The following ANKRD18B variants were observed in gnomAD, a reference collection of about 807,000 sequenced individuals.
ANKRD18B encodes ankyrin repeat domain-containing protein 18B.
A neutral mutation model predicts 111.8 loss-of-function variants in ANKRD18B; 75 were observed. The ratio of observed to expected loss-of-function variants is 0.67; its 90% CI spans 0.56 to 0.81. The LOEUF is 0.81. Among genes scored for constraint, ANKRD18B ranks in the 40% least tolerant of loss-of-function variants. The pLI, the probability that ANKRD18B is intolerant of heterozygous loss-of-function variation, is 0.00. For synonymous variants in ANKRD18B, 356 were observed against 417.3 expected (o/e 0.85, Z 1.79); for missense variants, 1,038 against 1,225.5 (o/e 0.85, Z 2.28).
Position 33,548,320 on chromosome 9 carries a change from A to G in ANKRD18B, c.1532A>G (p.Lys511Arg). 1 of 1,549,608 alleles carries G rather than the reference A, an allele frequency of 6.5e-7. No homozygotes were observed. Among genetic ancestry groups the G allele is most frequent in the East Asian group, 2.4e-5 (1 of 40,906 alleles). ...GAGTACAATGAAATTTTGGAAAGAA[A>G]AGACCTAGAACTAGTTTTATGGAGA... ...INEYNEILERKDLELVLWRAD... is the reference protein window; with the variant it reads ...INEYNEILERRDLELVLWRAD... Residue 511 changes from lysine to arginine, a missense_variant, in exon 11 of 19, where the codon AAA becomes AGA. This residue lies in a region of ANKRD18B where 205 missense variants were observed against 201.3 expected (regional missense o/e 1.02). Coordinates refer to ENST00000684830, the MANE Select transcript of ANKRD18B (RefSeq NM_001393611.1).
chr9:33,562,647 G>A (rs1232634045), intron 14 of ANKRD18B, among the ~76,000 whole-genome samples: 1 of 152,180 alleles, frequency 6.6e-6, no homozygotes, highest in Non-Finnish European at 1.5e-5. Context: ...CTATAGAGAA[G>A]CATTGTGGTA....
intron 1 of ANKRD18B, among the ~76,000 whole-genome samples, chr9:33,525,469 G>T (rs1259993131): frequency 2.0e-5 from 3 of 152,134 alleles, no homozygotes; most frequent in East Asian, 1.9e-4. Context: ...TAAAATGCCT[G>T]CTGTGTGAAG....
rs955470390 is a variant in ANKRD18B at position 33,550,545 on chromosome 9, C to T, written c.2183C>T (p.Thr728Ile). 7.2e-5 allele frequency: 111 copies of T among 1,538,658 alleles called. No homozygotes were observed. Among genetic ancestry groups the T allele is most frequent in the Non-Finnish European group, 9.2e-5 (105 of 1,142,562 alleles). Residue 728 changes from threonine (T) to isoleucine (I), a missense_variant, in exon 12 of 19, where the codon ACT becomes ATT. Thr to Ile is a moderately conservative substitution (Grantham distance 89). Around this residue, in one of 4 missense-constraint regions of ANKRD18B, gnomAD observed 524 missense variants for 677.9 expected, o/e 0.77. Coordinates refer to ENST00000684830, the MANE Select transcript of ANKRD18B (RefSeq NM_001393611.1). ...CATATTAATTTGGATGAGACATGGA[C>T]TTCAAAGAAGAAATTATTTCAAGTA... ...HCHINLDETW[T>I]SKKKLFQVEI...
intron 9 of ANKRD18B, among the ~76,000 whole-genome samples, chr9:33,542,657 G>A (rs1216946110): frequency 6.6e-6 from 1 of 152,018 alleles, no homozygotes; most frequent in African/African-American, 2.4e-5. Context: ...TTACAGGTGT[G>A]AGCTACGTCC....
At chr9:33,536,393 A>T (rs1183693249) in intron 5 of ANKRD18B, among the ~76,000 whole-genome samples, 12 of 152,244 alleles carry the variant, frequency 7.9e-5, no homozygotes, top group Admixed American at 6.5e-4. Context: ...TTTATTTGAG[A>T]TTCCAAAATG....
At chr9:33,545,985 T>C (rs1828349779) in intron 10 of ANKRD18B, among the ~76,000 whole-genome samples, 1 of 152,162 alleles carries the variant, frequency 6.6e-6, no homozygotes. Context: ...TCAACCTAAG[T>C]CTCACTGTGA....
intron 17 of ANKRD18B, among the ~76,000 whole-genome samples, chr9:33,569,292 T>C (rs1828734134): frequency 7.3e-6 from 1 of 136,552 alleles, no homozygotes; most frequent in Admixed American, 8.1e-5. Flanking sequence ...TGAGATGGAG[T>C]CTCACTCTGT....
In ANKRD18B at chr9:33,548,473, G is replaced by A. The variant is rs147381640; in HGVS notation, c.1685G>A (p.Arg562His). The A allele has an allele frequency of 6.8e-4, 1,054 of 1,551,198 alleles. 3 individuals are homozygous for A. The African/African-American group carries it at 0.011, about 16-fold the overall frequency. Residue 562 changes from arginine (R) to histidine (H), a missense_variant, in exon 11 of 19, where the codon CGT becomes CAT. Arg to His is a conservative substitution (Grantham distance 29). Around this residue, in one of 4 missense-constraint regions of ANKRD18B, gnomAD observed 524 missense variants for 677.9 expected, o/e 0.77. Coordinates refer to ENST00000684830, the MANE Select transcript of ANKRD18B (RefSeq NM_001393611.1). ...TTCAATACCTTAAAAGGTAAGCTCC[G>A]TGAGACAAGAGATGCTCTCAGGGAA... The part of the protein sequence containing the change: ...VKFNTLKGKL[R>H]ETRDALREKT...
intron 13 of ANKRD18B, among the ~76,000 whole-genome samples, chr9:33,556,654 T>A (rs1828531699): frequency 6.6e-6 from 1 of 152,198 alleles, no homozygotes; most frequent in Non-Finnish European, 1.5e-5. Context: ...TCTGAAGATA[T>A]TTTTGCTGTA....
Position 33,566,417 on chromosome 9 carries a change from C to G in ANKRD18B, c.2659C>G (p.Leu887Val), listed in dbSNP as rs746728433. The G allele has an allele frequency of 4.0e-5, 64 of 1,608,958 alleles. No homozygotes were observed. The Admixed American group carries it at 4.5e-4, about 11-fold the overall frequency. Residue 887 changes from leucine (L) to valine (V), a missense_variant, in exon 15 of 19, where the codon CTT (leucine) becomes GTT (valine). Physicochemically the swap from Leu to Val is conservative, Grantham distance 32 (BLOSUM62 1). This residue lies in a region of ANKRD18B where 524 missense variants were observed against 677.9 expected (regional missense o/e 0.77). Transcript: ENST00000684830. ...ACATATGGAAAAAGATATGGTAGAA[C>G]TTGGTAAAGTACAAGAATATAAATC... ...KTHMEKDMVE[L>V]GKVQEYKSEL...
chr9:33,572,195 C>T (rs1828789795), intron 18 of ANKRD18B, 121 bp from the exon 19 acceptor site: 2 of 729,536 alleles, frequency 2.7e-6, no homozygotes, highest in Non-Finnish European at 2.3e-6. Context: ...ATTGTAATTG[C>T]ACGTACATAT....
chr9:33,566,746 A>G (rs1828691554), intron 15 of ANKRD18B, among the ~76,000 whole-genome samples: 2 of 152,152 alleles, frequency 1.3e-5, no homozygotes, highest in Admixed American at 1.3e-4. Context: ...TTTGATGATT[A>G]AGACCAGTTG....
At chr9:33,543,981 A>C (rs1294082218) in intron 10 of ANKRD18B, among the ~76,000 whole-genome samples, 4 of 152,240 alleles carry the variant, frequency 2.6e-5, no homozygotes, top group Non-Finnish European at 5.9e-5. Flanking sequence ...AGTAGAATCA[A>C]AATTTTCTTC....
chr9:33,548,488 C>T lies in ANKRD18B; in HGVS notation c.1700C>T (p.Ala567Val). Reference sequence around the variant, plus strand: ...GGTAAGCTCCGTGAGACAAGAGATGCTCTCAGGGAAAAGACATTGGCTTTA... The same window carrying T: ...GGTAAGCTCCGTGAGACAAGAGATGTTCTCAGGGAAAAGACATTGGCTTTA... ...LKGKLRETRD[A>V]LREKTLALES... Residue 567 changes from alanine (A) to valine (V), a missense_variant, in exon 11 of 19, where the codon GCT (alanine) becomes GTT (valine). Ala to Val is a moderately conservative substitution (Grantham distance 64, BLOSUM62 0). Transcript: ENST00000684830. 6.4e-7 allele frequency: 1 copy of T among 1,551,118 alleles called. No homozygotes were observed. Among genetic ancestry groups the T allele is most frequent in the South Asian group, 1.2e-5 (1 of 83,940 alleles).
At chr9:33,542,746 C>G (rs1828298333) in intron 9 of ANKRD18B, among the ~76,000 whole-genome samples, 1 of 152,100 alleles carries the variant, frequency 6.6e-6, no homozygotes, top group South Asian at 2.1e-4. Context: ...ATGTAAAAAA[C>G]AGGGTGTACA....
chr9:33,546,992 C>CT (rs1435907475), intron 10 of ANKRD18B, among the ~76,000 whole-genome samples: 3 of 152,084 alleles, frequency 2.0e-5, no homozygotes, highest in Non-Finnish European at 4.4e-5. Flanking sequence ...AGCACCTTCA[C>CT]TTTTTTGATA....
At position 33,548,169 on chromosome 9, in the gene ANKRD18B, C is replaced by G. The variant is rs1237004582; in HGVS notation, c.1381C>G (p.Gln461Glu). 6.5e-7 allele frequency: 1 copy of G among 1,543,856 alleles called. No individual in the cohort carries two copies. Residue 461 changes from glutamine (Q) to glutamate (E), a missense_variant, in exon 11 of 19, where the codon CAG (glutamine) becomes GAG (glutamate). Physicochemically the swap from Gln to Glu is conservative, Grantham distance 29 (BLOSUM62 2). Coordinates refer to ENST00000684830, the MANE Select transcript of ANKRD18B (RefSeq NM_001393611.1). ...AAAAAAAGTGGCCCAGTATTCGCAA[C>G]AGCTTAATGATCTGAAAGCTGAGAA... ...ITKKVAQYSQ[Q>E]LNDLKAENAR...
chr9:33,537,832 A>G (rs1174760468), intron 6 of ANKRD18B, among the ~76,000 whole-genome samples: 2 of 152,212 alleles, frequency 1.3e-5, no homozygotes, highest in Non-Finnish European at 2.9e-5. Context: ...ATTATTATAT[A>G]CTATGCTTTT....
Position 33,566,291 on chromosome 9 carries a change from C to G in ANKRD18B, c.2533C>G (p.Leu845Val), listed in dbSNP as rs764490442. ...CAATTTGGCCAAAGACAATGAAGTTCTTCATCAGGAGTTATTATCTATGGG... is the reference window on the plus strand; with the variant it reads ...CAATTTGGCCAAAGACAATGAAGTTGTTCATCAGGAGTTATTATCTATGGG... ...CVNLAKDNEV[L>V]HQELLSMGKV... The change falls in exon 15 of 19, where the codon CTT becomes GTT. Residue 845 changes from leucine to valine, a missense_variant. Leu to Val is a conservative substitution (Grantham distance 32, BLOSUM62 1). Transcript: ENST00000684830. 1.6e-5 allele frequency: 25 copies of G among 1,560,874 alleles called. No individual in the cohort carries two copies. In the South Asian group the frequency reaches 2.9e-4, roughly 18 times the overall value.
Sources: allele counts gnomAD v4.1 joint callset (sites outside exome capture counted in the v4.1 genomes callset), GRCh38; gene constraint gnomAD v4.1.1; regional missense constraint gnomAD v4.1.1; transcripts MANE v1.5; gene names NCBI Gene and HGNC (gene_info 2026-07-23, HGNC 2026-07-21).